The following UGT1A1 variants were observed in gnomAD, a reference collection of about 807,000 sequenced individuals.
UGT1A1 encodes the protein UDP glucuronosyltransferase family 1 member A1.
UGT1A1 carries 33 observed loss-of-function variants against 40.6 expected under a neutral mutation model. The observed-to-expected ratio is 0.81, with a 90% CI of 0.62 to 1.09. The LOEUF is 1.09. Among genes scored for constraint, UGT1A1 ranks in the 50% least tolerant of loss-of-function variants. The pLI is 0.00. For synonymous variants in UGT1A1, 249 were observed against 265.0 expected (o/e 0.94, Z 0.59); for missense variants, 694 against 671.2 (o/e 1.03, Z -0.38).
intron 1 of UGT1A1, among the ~76,000 whole-genome samples, chr2:233,766,718 A>C (rs1196148509): frequency 6.6e-6 from 1 of 152,074 alleles, no homozygotes; most frequent in East Asian, 1.9e-4. Flanking sequence ...CTCTAAGTGG[A>C]ATTATCACTG....
chr2:233,764,644 T>C (rs1207415683), intron 1 of UGT1A1, among the ~76,000 whole-genome samples: 1 of 151,998 alleles, frequency 6.6e-6, no homozygotes, highest in African/African-American at 2.4e-5. Context: ...CTAGGAAATT[T>C]AAGTAAGCCA....
At position 233,772,394 on chromosome 2, in the gene UGT1A1, C is replaced by T. The variant is rs369610863; in HGVS notation, c.1437C>T (p.His479=). Reference sequence around the variant, plus strand: ...CGCCACACCTGCGCCCCGCAGCCCACGACCTCACCTGGTACCAGTACCATT... The same window carrying T: ...CGCCACACCTGCGCCCCGCAGCCCATGACCTCACCTGGTACCAGTACCATT... ...KGAPHLRPAA[H]DLTWYQYHSL... The change falls in exon 5 of 5, where the codon CAC becomes CAT. Residue 479 remains histidine, a synonymous_variant. Coordinates refer to ENST00000305208, the MANE Select transcript of UGT1A1 (RefSeq NM_000463.3). 1.2e-5 allele frequency: 19 copies of T among 1,614,144 alleles called. No homozygotes were observed. The highest frequency in any genetic ancestry group is 1.2e-4 in the Admixed American group (7 of 60,014).
rs555950591 is a variant in UGT1A1 at position 233,760,677 on chromosome 2, A to G, written c.390A>G (p.Leu130=). Reference sequence around the variant, plus strand: ...TGCTTTTGTCTGGCTGTTCCCACTTACTGCACAACAAGGAGCTCATGGCCT... The same window carrying G: ...TGCTTTTGTCTGGCTGTTCCCACTTGCTGCACAACAAGGAGCTCATGGCCT... ...SAMLLSGCSH[L]LHNKELMASL... is the part of the protein sequence containing the mutation. Residue 130 remains leucine, a synonymous_variant, in exon 1 of 5, where the codon TTA becomes TTG. Transcript: ENST00000305208. 1 of 1,614,148 alleles carries G rather than the reference A, an allele frequency of 6.2e-7. No homozygotes were observed. The highest frequency in any genetic ancestry group is 8.5e-7 in the Non-Finnish European group (1 of 1,180,018).
At position 233,761,148 on chromosome 2, in the gene UGT1A1, C is replaced by T; in HGVS notation, c.861C>T (p.Ser287=). Residue 287 remains serine (S), a synonymous_variant, in exon 1 of 5, where the codon TCC becomes TCT. Transcript: ENST00000305208. ...ACTGCCTTCACCAAAATCCACTATC[C>T]CAGGTGTGTATTGGAGTGGGACTTT... ...GINCLHQNPL[S]QEFEAYINAS... The T allele has an allele frequency of 6.2e-7, 1 of 1,614,128 alleles. No homozygotes were observed. Among genetic ancestry groups the T allele is most frequent in the Non-Finnish European group, 8.5e-7 (1 of 1,180,032 alleles).
chr2:233,761,973 C>T (rs557947533), intron 1 of UGT1A1, among the ~76,000 whole-genome samples: 2 of 152,314 alleles, frequency 1.3e-5, no homozygotes, highest in East Asian at 3.9e-4. Flanking sequence ...ACTGATATCA[C>T]CTTCGGAGGT....
At chr2:233,761,602 T>C (rs529551747) in intron 1 of UGT1A1, among the ~76,000 whole-genome samples, 4 of 152,366 alleles carry the variant, frequency 2.6e-5, no homozygotes, top group African/African-American at 9.6e-5. Flanking sequence ...AGCTCCAGTT[T>C]CTAAATATTC....
intron 4 of UGT1A1, chr2:233,770,945 C>A (rs537203065): frequency 1.3e-5 from 2 of 152,232 alleles, no homozygotes; most frequent in African/African-American, 4.8e-5. Flanking sequence ...GCCGGGGGAA[C>A]CTCAGGGAGC....
Position 233,769,629 on chromosome 2 carries a change from CAG to C in UGT1A1, c.1304+1191_1304+1192del, listed in dbSNP as rs1699910145. On this transcript the variant is annotated intron_variant, in intron 4 of 4. Transcript: ENST00000305208. The surrounding 1 kb of genome is among the most constrained non-coding windows in gnomAD (Gnocchi z 4.4). ...ACACACCAGCTTGAGCAAGGGACAA[CAG>C]GGGAGGACTGATGACTGACTTCCCA... 1.2e-6 allele frequency: 2 copies of C among 1,611,730 alleles called. No homozygotes were observed.
At position 233,772,470 on chromosome 2, in the gene UGT1A1, A is replaced by G. The variant is rs1372118451; in HGVS notation, c.1513A>G (p.Ile505Val). 4 of 1,614,038 alleles carry G rather than the reference A, an allele frequency of 2.5e-6. No homozygotes were observed. The Admixed American group carries it at 5.0e-5, about 20-fold the overall frequency. Residue 505 changes from isoleucine (I) to valine (V), a missense_variant, in exon 5 of 5, where the codon ATC becomes GTC. Coordinates refer to ENST00000305208, the MANE Select transcript of UGT1A1 (RefSeq NM_000463.3). Reference protein sequence around the residue: ...LLAVVLTVAFITFKCCAYGYR... With the variant: ...LLAVVLTVAFVTFKCCAYGYR... ...GGCCGTCGTGCTGACAGTGGCCTTC[A>G]TCACCTTTAAATGTTGTGCTTATGG...
At chr2:233,762,603 G>T (rs890320273) in intron 1 of UGT1A1, among the ~76,000 whole-genome samples, 2 of 152,136 alleles carry the variant, frequency 1.3e-5, no homozygotes, top group Admixed American at 1.3e-4. Context: ...TGTATTCCAG[G>T]AGTTTTGTTG....
In UGT1A1 at chr2:233,772,482, T is replaced by G. The variant is rs780493798; in HGVS notation, c.1525T>G (p.Cys509Gly). Residue 509 changes from cysteine to glycine, a missense_variant, in exon 5 of 5, where the codon TGT becomes GGT. Transcript: ENST00000305208. ...GACAGTGGCCTTCATCACCTTTAAATGTTGTGCTTATGGCTACCGGAAATG... is the reference window on the plus strand; with the variant it reads ...GACAGTGGCCTTCATCACCTTTAAAGGTTGTGCTTATGGCTACCGGAAATG... Reference protein sequence around the residue: ...VLTVAFITFKCCAYGYRKCLG... With the variant: ...VLTVAFITFKGCAYGYRKCLG... 5.0e-6 allele frequency: 8 copies of G among 1,614,124 alleles called. No homozygotes were observed. The Admixed American group carries it at 1.3e-4, about 27-fold the overall frequency.
chr2:233,763,406 T>A (rs1698303480), intron 1 of UGT1A1, among the ~76,000 whole-genome samples: 1 of 152,236 alleles, frequency 6.6e-6, no homozygotes, highest in African/African-American at 2.4e-5. Context: ...GGCACTGGTA[T>A]TTTTAATCCA....
At chr2:233,765,715 T>C (rs1435382994) in intron 1 of UGT1A1, among the ~76,000 whole-genome samples, 2 of 140,082 alleles carry the variant, frequency 1.4e-5, no homozygotes, top group African/African-American at 6.4e-5. Flanking sequence ...TAATAATTAA[T>C]AATAATAATA....
In UGT1A1 at chr2:233,769,812, GC is replaced by G; in HGVS notation, c.1304+1375del. The G allele has an allele frequency of 1.0e-6, 1 of 971,458 alleles. No individual in the cohort carries two copies. Among genetic ancestry groups the G allele is most frequent in the African/African-American group, 1.7e-5 (1 of 59,662 alleles). The allele number at this position is 971,458 out of a possible 1,614,324, so 60.2% of individuals were successfully genotyped here. A position where few individuals can be genotyped will look rare whatever the true frequency, so the allele number is the denominator to read the frequency against. On this transcript the variant is annotated intron_variant, in intron 4 of 4. Coordinates refer to ENST00000305208, the MANE Select transcript of UGT1A1 (RefSeq NM_000463.3). This position sits in a 1 kb window ranked among gnomAD's most constrained non-coding sequence, Gnocchi z 4.4. The stretch of plus-strand genomic sequence containing the variant: ...GGAGGCTGCTATGAGCCGTGATCAT[GC>G]CACTGCACTCCAGCAACCTGGGCAA...
chr2:233,761,815 G>A (rs928491400), intron 1 of UGT1A1, among the ~76,000 whole-genome samples: 1 of 152,190 alleles, frequency 6.6e-6, no homozygotes, highest in African/African-American at 2.4e-5. Context: ...GAACAGGAGA[G>A]GCTCCTTCAG....
In UGT1A1 at chr2:233,772,286, C is replaced by T. The variant is rs1559419792; in HGVS notation, c.1329C>T (p.Leu443=). ...DKSYKENIMR[L]SSLHKDRPVE... ...GTTACAAGGAGAACATCATGCGCCT[C>T]TCCAGCCTTCACAAGGACCGCCCGG... The change falls in exon 5 of 5, where the codon CTC becomes CTT. Residue 443 remains leucine, a synonymous_variant. Transcript: ENST00000305208. 1 of 1,614,248 alleles carries T rather than the reference C, an allele frequency of 6.2e-7. No homozygotes were observed. The highest frequency in any genetic ancestry group is 8.5e-7 in the Non-Finnish European group (1 of 1,180,054).
At position 233,760,443 on chromosome 2, in the gene UGT1A1, G is replaced by A. The variant is rs773136953; in HGVS notation, c.156G>A (p.Gln52=). ...SMLGAIQQLQ[Q]RGHEIVVLAP... ...TTGGGGCCATCCAGCAGCTGCAGCA[G>A]AGGGGACATGAAATAGTTGTCCTAG... The change falls in exon 1 of 5, where the codon CAG becomes CAA. Residue 52 remains glutamine, a synonymous_variant. Transcript: ENST00000305208. The A allele has an allele frequency of 2.5e-6, 4 of 1,614,132 alleles. No homozygotes were observed. The highest frequency in any genetic ancestry group is 1.7e-6 in the Non-Finnish European group (2 of 1,180,052).
At position 233,772,404 on chromosome 2, in the gene UGT1A1, T is replaced by C; in HGVS notation, c.1447T>C (p.Trp483Arg). The change falls in exon 5 of 5, where the codon TGG becomes CGG. Residue 483 changes from tryptophan (W) to arginine (R), a missense_variant. Coordinates refer to ENST00000305208, the MANE Select transcript of UGT1A1 (RefSeq NM_000463.3). ...HLRPAAHDLT[W>R]YQYHSLDVIG... ...GCGCCCCGCAGCCCACGACCTCACC[T>C]GGTACCAGTACCATTCCTTGGACGT... is the stretch of plus-strand genomic sequence containing the variant. 6.2e-7 allele frequency: 1 copy of C among 1,614,214 alleles called. No individual in the cohort carries two copies. The highest frequency in any genetic ancestry group is 8.5e-7 in the Non-Finnish European group (1 of 1,180,034).
At chr2:233,763,222 T>C (rs1031728424) in intron 1 of UGT1A1, among the ~76,000 whole-genome samples, 2 of 152,230 alleles carry the variant, frequency 1.3e-5, no homozygotes, top group African/African-American at 4.8e-5. Context: ...GGTGTGAAAA[T>C]ATGTTTTTAA....
Sources: gnomAD v4.1 joint callset for allele counts (sites outside exome capture counted in the v4.1 genomes callset) on GRCh38, gnomAD v4.1.1 for gene constraint, Gnocchi (gnomAD v3.1) non-coding constraint, MANE v1.5 for transcripts, NCBI Gene and HGNC (gene_info 2026-07-23, HGNC 2026-07-21) for gene names.